Variants in EYS observed in about 807,000 individuals in gnomAD.
EYS encodes the protein EGF-like photoreceptor maintenance factor.
A neutral mutation model predicts 282.1 loss-of-function variants in EYS; 250 were observed. The observed-to-expected ratio is 0.89, with a 90% CI of 0.80 to 0.98. The LOEUF (loss-of-function observed/expected upper bound fraction) is 0.98, where lower values mean the gene tolerates loss of function less well. Ranked by LOEUF, EYS falls within the 50% of genes least tolerant of loss-of-function variation. The pLI, the probability that EYS is intolerant of heterozygous loss-of-function variation, is 0.00. For missense variants in EYS, 4,016 were observed against 3,709.0 expected (o/e 1.08, Z -2.15); for synonymous variants, 1,355 against 1,282.9 (o/e 1.06, Z -1.20).
At chr6:65,604,102 A>G (rs1765700496) in intron 2 of EYS, among the ~76,000 whole-genome samples, 1 of 151,896 alleles carries the variant, frequency 6.6e-6, no homozygotes, top group African/African-American at 2.4e-5. Context: ...TCTCCTCTCA[A>G]CAAATACCAG....
At chr6:64,080,879 T>A (rs551714157) in intron 32 of EYS, among the ~76,000 whole-genome samples, 8 of 152,234 alleles carry the variant, frequency 5.3e-5, no homozygotes, top group Non-Finnish European at 1.2e-4. Context: ...ATATGCGGCA[T>A]TATTTCTGAG....
intron 22 of EYS, among the ~76,000 whole-genome samples, chr6:64,737,812 G>A (rs1451374505): frequency 6.6e-6 from 1 of 152,164 alleles, no homozygotes. Context: ...ACTGTGATAA[G>A]GAAAGGGAGC....
chr6:64,622,135 A>G (rs1228699865), intron 23 of EYS, among the ~76,000 whole-genome samples: 1 of 152,172 alleles, frequency 6.6e-6, no homozygotes, highest in Non-Finnish European at 1.5e-5. Context: ...TTTCTTGCAC[A>G]AAGAATTCAT....
chr6:64,828,147 C>T (rs1258415569), intron 19 of EYS, among the ~76,000 whole-genome samples: 1 of 151,802 alleles, frequency 6.6e-6, no homozygotes, highest in Non-Finnish European at 1.5e-5. Context: ...TATCAGTGGA[C>T]TGGACATAGG....
intron 33 of EYS, among the ~76,000 whole-genome samples, chr6:64,039,459 T>C (rs1348490210): frequency 2.0e-5 from 3 of 152,262 alleles, no homozygotes; most frequent in East Asian, 3.9e-4. Flanking sequence ...TCAATAAGCA[T>C]GTTAGAGGGA....
At chr6:64,166,453 A>T (rs1167729210) in intron 31 of EYS, among the ~76,000 whole-genome samples, 1 of 152,226 alleles carries the variant, frequency 6.6e-6, no homozygotes, top group African/African-American at 2.4e-5. Flanking sequence ...AATTACATTT[A>T]CAATCTTTAG....
intron 30 of EYS, among the ~76,000 whole-genome samples, chr6:64,253,164 T>A (rs540846120): frequency 6.6e-6 from 1 of 152,158 alleles, no homozygotes; most frequent in African/African-American, 2.4e-5. Flanking sequence ...ATATATCAGT[T>A]AAATAGTTTA....
At chr6:64,864,865 G>A (rs563759342) in intron 19 of EYS, among the ~76,000 whole-genome samples, 3 of 151,712 alleles carry the variant, frequency 2.0e-5, no homozygotes, top group African/African-American at 4.8e-5. Flanking sequence ...GTGAAACCCC[G>A]TCTCTACTAA....
intron 8 of EYS, among the ~76,000 whole-genome samples, chr6:65,367,959 G>A (rs534816149): frequency 9.9e-5 from 15 of 151,746 alleles, no homozygotes; most frequent in Admixed American, 8.0e-4. Context: ...CTGAGACTGG[G>A]TAATTTATAA....
chr6:65,639,369 A>G lies in EYS; in HGVS notation c.-333+409T>C, dbSNP rs1042798299. ...ATAAAGGGTCACTTCTAGAAGAATA[A>G]AAACCTGTATATGTTTATCCATTAA... On this transcript the variant is annotated intron_variant, in intron 2 of 42. Coordinates refer to ENST00000503581, the MANE Select transcript of EYS (RefSeq NM_001142800.2). Among the ~76,000 whole-genome samples the G allele has an allele frequency of 5.2e-4, 79 of 152,124 alleles. 1 individual carries two copies. Among genetic ancestry groups the G allele is most frequent in the Admixed American group, 3.9e-4 (6 of 15,276 alleles).
chr6:63,825,741 C>A (rs893414570), intron 36 of EYS, among the ~76,000 whole-genome samples: 2 of 152,164 alleles, frequency 1.3e-5, no homozygotes, highest in Non-Finnish European at 2.9e-5. Flanking sequence ...ATGATCTGAA[C>A]AACAGCCTTC....
chr6:65,310,081 T>G (rs1582127964), intron 11 of EYS, among the ~76,000 whole-genome samples: 1 of 152,276 alleles, frequency 6.6e-6, no homozygotes, highest in East Asian at 1.9e-4. Context: ...TGGTGGCTCA[T>G]GCCTGTCATC....
chr6:65,482,786 C>G (rs1765653953), intron 5 of EYS, among the ~76,000 whole-genome samples: 1 of 152,174 alleles, frequency 6.6e-6, no homozygotes, highest in Non-Finnish European at 1.5e-5. Context: ...TTTAACATCA[C>G]TCATCTTGGA....
At chr6:64,270,060 T>C (rs1210653775) in intron 30 of EYS, among the ~76,000 whole-genome samples, 1 of 152,156 alleles carries the variant, frequency 6.6e-6, no homozygotes, top group Non-Finnish European at 1.5e-5. Context: ...GTTGGTTGGA[T>C]AATTGGATAA....
intron 36 of EYS, among the ~76,000 whole-genome samples, chr6:63,824,327 A>G (rs1414086103): frequency 1.3e-5 from 2 of 152,248 alleles, no homozygotes; most frequent in Non-Finnish European, 2.9e-5. Context: ...GTCCAGCATA[A>G]GACACAAATA....
Position 64,902,453 on chromosome 6 carries a change from G to A in EYS, c.2689C>T (p.Leu897Phe), listed in dbSNP as rs986472391. 6.5e-7 allele frequency: 1 copy of A among 1,534,224 alleles called. No homozygotes were observed. Among genetic ancestry groups the A allele is most frequent in the Non-Finnish European group, 8.8e-7 (1 of 1,142,652 alleles). The change falls in exon 17 of 43, where the codon CTT becomes TTT. Residue 897 changes from leucine (L) to phenylalanine (F), a missense_variant. Physicochemically the swap from Leu to Phe is conservative, Grantham distance 22. Transcript: ENST00000503581. ...CAGTCACCATAATCCTGGCAGGAAA[G>A]GAAGAGGCAGTCTTTCACATCAATT... ...CEIDVKDCLFLSCQDYGDCED... is the reference protein window; with the variant it reads ...CEIDVKDCLFFSCQDYGDCED...
intron 13 of EYS, among the ~76,000 whole-genome samples, chr6:65,024,638 T>G (rs570031281): frequency 6.6e-6 from 1 of 152,344 alleles, no homozygotes; most frequent in East Asian, 1.9e-4. Flanking sequence ...TTTTTGCTTT[T>G]TATTCAATCA....
chr6:64,164,148 TCATCAGCCTGGAAAATAA>T (rs1790267647), intron 31 of EYS, among the ~76,000 whole-genome samples: 1 of 152,098 alleles, frequency 6.6e-6, no homozygotes, highest in South Asian at 2.1e-4. Context: ...GAAGTCTTTC[TCATCAGCCTGGAAAATAA>T]CCACTGTTTT....
At chr6:64,247,682 G>T (rs1767062825) in intron 30 of EYS, among the ~76,000 whole-genome samples, 1 of 152,042 alleles carries the variant, frequency 6.6e-6, no homozygotes, top group South Asian at 2.1e-4. Flanking sequence ...TGCATTGAGG[G>T]TGACTCTATA....
Sources: allele counts gnomAD v4.1 joint callset (sites outside exome capture counted in the v4.1 genomes callset), GRCh38; gene constraint gnomAD v4.1.1; transcripts MANE v1.5; gene names NCBI Gene and HGNC (gene_info 2026-07-23, HGNC 2026-07-21).